Variants in PDE4B observed in about 807,000 individuals in gnomAD.
The protein encoded by PDE4B is phosphodiesterase 4B, also known as 3',5'-cyclic-AMP phosphodiesterase 4B.
PDE4B carries 20 observed loss-of-function variants against 82.2 expected under a neutral mutation model. The observed-to-expected ratio is 0.24, with a 90% CI of 0.17 to 0.35. The LOEUF is 0.35. Ranked by LOEUF, PDE4B falls within the 10% of genes least tolerant of loss-of-function variation. The probability of loss-of-function intolerance (pLI) is 1.00; values close to 1 mark genes in which losing one functional copy is unlikely to be tolerated. For missense variants in PDE4B, 655 were observed against 907.2 expected (o/e 0.72, Z 3.57); for synonymous variants, 320 against 318.9 (o/e 1.00, Z -0.04).
rs552573916 is a variant in PDE4B at position 66,300,587 on chromosome 1, C to A, written c.635-31921C>A. 1.2e-4 allele frequency among the ~76,000 whole-genome samples: 19 copies of A among 152,318 alleles called. No homozygotes were observed. The South Asian group carries it at 3.9e-3, about 32-fold the overall frequency. On this transcript the variant is annotated intron_variant, in intron 7 of 16. Transcript: ENST00000341517. ...CATCTCCAACTACCAGTCCAGAATT[C>A]TTTCCATTCCCCAGTCACTCACTTA...
At chr1:65,935,544 A>AT (rs1346054835) in intron 3 of PDE4B, among the ~76,000 whole-genome samples, 7 of 152,126 alleles carry the variant, frequency 4.6e-5, no homozygotes, top group Non-Finnish European at 1.0e-4. Context: ...ACAAACAAAT[A>AT]TTTTTCTTCA....
intron 3 of PDE4B, among the ~76,000 whole-genome samples, chr1:66,014,568 G>GA (rs1047431118): frequency 2.6e-5 from 4 of 152,018 alleles, no homozygotes; most frequent in Non-Finnish European, 5.9e-5. Context: ...ATTTGTTAAA[G>GA]AAAAAAACCA....
intron 1 of PDE4B, among the ~76,000 whole-genome samples, chr1:65,828,008 GA>G (rs1345107197): frequency 6.6e-6 from 1 of 151,948 alleles, no homozygotes; most frequent in South Asian, 2.1e-4. Context: ...AAAGTGCAAA[GA>G]AAAAAATTGT....
chr1:66,261,366 G>A (rs1305424245), intron 6 of PDE4B, among the ~76,000 whole-genome samples: 1 of 151,932 alleles, frequency 6.6e-6, no homozygotes, highest in Non-Finnish European at 1.5e-5. Context: ...CACACACACA[G>A]ACACACACAC....
intron 3 of PDE4B, among the ~76,000 whole-genome samples, chr1:66,161,554 T>C (rs1218876176): frequency 3.9e-5 from 6 of 152,210 alleles, no homozygotes; most frequent in African/African-American, 9.6e-5. Context: ...TTACGAGATG[T>C]TTTAATGCAA....
chr1:65,844,198 A>C (rs1646241866), intron 1 of PDE4B, among the ~76,000 whole-genome samples: 1 of 152,206 alleles, frequency 6.6e-6, no homozygotes, highest in Non-Finnish European at 1.5e-5. Flanking sequence ...GCCAGATGGC[A>C]AAAGTCAACA....
At chr1:66,019,491 G>C (rs1295285172) in intron 3 of PDE4B, among the ~76,000 whole-genome samples, 3 of 151,754 alleles carry the variant, frequency 2.0e-5, no homozygotes, top group Non-Finnish European at 2.9e-5. Context: ...GAGTAGCTGG[G>C]ACTACAGGTG....
At chr1:66,153,996 AG>A (rs1264102139) in intron 3 of PDE4B, among the ~76,000 whole-genome samples, 6 of 152,152 alleles carry the variant, frequency 3.9e-5, no homozygotes, top group Non-Finnish European at 8.8e-5. Flanking sequence ...TGCACCTGGG[AG>A]GAATTACTAA....
chr1:65,993,865 A>G (rs1651385550), intron 3 of PDE4B, among the ~76,000 whole-genome samples: 1 of 152,156 alleles, frequency 6.6e-6, no homozygotes, highest in Non-Finnish European at 1.5e-5. Context: ...CCTTTAATAT[A>G]CATGTTTACA....
At chr1:66,039,629 C>A (rs1416999583) in intron 3 of PDE4B, among the ~76,000 whole-genome samples, 4 of 151,812 alleles carry the variant, frequency 2.6e-5, no homozygotes, top group Admixed American at 1.3e-4. Flanking sequence ...CATATATGTA[C>A]CCTGAAGCGA....
At chr1:66,249,303 T>C (rs992233344) in intron 4 of PDE4B, among the ~76,000 whole-genome samples, 18 of 152,324 alleles carry the variant, frequency 1.2e-4, no homozygotes, top group African/African-American at 3.4e-4. Context: ...TCAAAGTAAT[T>C]AGAGCTTAAT....
At chr1:66,262,958 C>T (rs1187859483) in intron 6 of PDE4B, among the ~76,000 whole-genome samples, 1 of 152,184 alleles carries the variant, frequency 6.6e-6, no homozygotes, top group East Asian at 1.9e-4. Context: ...CATTTGGGGT[C>T]TCCTAGTTCA....
chr1:66,179,721 CT>C (rs1356948000), intron 3 of PDE4B, among the ~76,000 whole-genome samples: 1 of 152,200 alleles, frequency 6.6e-6, no homozygotes, highest in Non-Finnish European at 1.5e-5. Context: ...CTGCTGTAGG[CT>C]TCCACCTCTG....
intron 2 of PDE4B, among the ~76,000 whole-genome samples, chr1:65,914,315 AC>A (rs768852647): frequency 6.6e-6 from 1 of 152,058 alleles, no homozygotes; most frequent in Non-Finnish European, 1.5e-5. Context: ...TTCCTGTAGG[AC>A]CCACAGTGCA....
intron 3 of PDE4B, among the ~76,000 whole-genome samples, chr1:66,239,870 C>G (rs1453738326): frequency 6.6e-6 from 1 of 152,188 alleles, no homozygotes; most frequent in Admixed American, 6.5e-5. Context: ...GGATCTCAAT[C>G]AATAAGTAAA....
chr1:65,975,062 T>C (rs1306453690), intron 3 of PDE4B, among the ~76,000 whole-genome samples: 2 of 152,232 alleles, frequency 1.3e-5, no homozygotes. Flanking sequence ...CAGGAAGATG[T>C]GGGAAAGTGT....
At chr1:66,280,958 G>C (rs145797723) in intron 7 of PDE4B, among the ~76,000 whole-genome samples, 82 of 152,290 alleles carry the variant, frequency 5.4e-4, no homozygotes, top group Non-Finnish European at 9.0e-4. Context: ...ATCGTCACCA[G>C]GGTGTACATA....
intron 7 of PDE4B, among the ~76,000 whole-genome samples, chr1:66,323,949 C>G (rs1659581730): frequency 6.6e-6 from 1 of 152,154 alleles, no homozygotes; most frequent in Admixed American, 6.5e-5. Flanking sequence ...CATTGGTCTT[C>G]AATACCAATA....
chr1:65,906,903 A>C (rs1295898823), intron 1 of PDE4B, among the ~76,000 whole-genome samples: 2 of 152,136 alleles, frequency 1.3e-5, no homozygotes, highest in Non-Finnish European at 2.9e-5. Context: ...TGTCTTTGTT[A>C]CTTATTGTTC....
Sources: gnomAD v4.1 joint callset for allele counts (sites outside exome capture counted in the v4.1 genomes callset) on GRCh38, gnomAD v4.1.1 for gene constraint, MANE v1.5 for transcripts, NCBI Gene and HGNC (gene_info 2026-07-23, HGNC 2026-07-21) for gene names.